Variants in RAP1A observed in about 807,000 individuals in gnomAD.
RAP1A encodes the protein ras-related protein Rap-1A.
RAP1A carries 6 observed loss-of-function variants against 26.4 expected under a neutral mutation model. The observed-to-expected ratio is 0.23, with a 90% CI of 0.12 to 0.45. The LOEUF (loss-of-function observed/expected upper bound fraction) is 0.45. Among genes scored for constraint, RAP1A ranks in the 20% least tolerant of loss-of-function variants. The pLI is 0.99. For missense variants in RAP1A, 121 were observed against 217.2 expected, an observed-to-expected ratio of 0.56 and a Z score of 2.78; for synonymous variants, 73 against 79.4, an observed-to-expected ratio of 0.92 and a Z score of 0.43.
chr1:111,551,166 G>T (rs998578421), intron 1 of RAP1A, among the ~76,000 whole-genome samples: 18 of 151,914 alleles, frequency 1.2e-4, no homozygotes, highest in Admixed American at 8.5e-4. Context: ...GCATATAGTT[G>T]GATCATGTTT....
chr1:111,572,776 C>T (rs796167974), intron 1 of RAP1A, among the ~76,000 whole-genome samples: 31 of 152,212 alleles, frequency 2.0e-4, no homozygotes, highest in African/African-American at 7.0e-4. Flanking sequence ...TTCGGGGGTA[C>T]ATGTGCAGGT....
At chr1:111,673,570 A>G (rs930972530) in intron 1 of RAP1A, among the ~76,000 whole-genome samples, 2 of 152,242 alleles carry the variant, frequency 1.3e-5, no homozygotes, top group African/African-American at 4.8e-5. Flanking sequence ...CCATAATGTT[A>G]GGGACTCAGA....
chr1:111,638,553 T>C (rs914238631), intron 1 of RAP1A, among the ~76,000 whole-genome samples: 5 of 152,138 alleles, frequency 3.3e-5, no homozygotes, highest in African/African-American at 1.2e-4. Flanking sequence ...GCCTCCTGAG[T>C]AGCTGGGACT....
intron 1 of RAP1A, among the ~76,000 whole-genome samples, chr1:111,634,405 A>G (rs1233292566): frequency 3.3e-5 from 5 of 151,814 alleles, no homozygotes; most frequent in Admixed American, 3.3e-4. Context: ...TTTACATAGT[A>G]TGATTTTAGT....
Position 111,704,575 on chromosome 1 carries a change from T to G in RAP1A, c.468+89T>G, listed in dbSNP as rs182278366. 2.2e-3 allele frequency: 2,882 copies of G among 1,318,654 alleles called. 6 individuals carry two copies. The highest frequency in any genetic ancestry group is 2.7e-3 in the South Asian group (161 of 58,884). The allele number at this position is 1,318,654 out of a possible 1,614,324, so 81.7% of individuals were successfully genotyped here. ...AGACTTTTAAGAAAAAATTTTTATC[T>G]TTTAAGCAATCTTGATTCCATAATT... is the stretch of plus-strand genomic sequence containing the variant. On this transcript the variant is annotated intron_variant, in intron 6 of 7. Transcript: ENST00000369709.
intron 1 of RAP1A, chr1:111,564,036 A>T (rs1657854388): frequency 1.0e-6 from 1 of 997,328 alleles, no homozygotes; most frequent in Admixed American, 1.8e-5. Flanking sequence ...GCCATTAGAG[A>T]ACCAGGAATT....
intron 1 of RAP1A, among the ~76,000 whole-genome samples, chr1:111,547,472 G>A (rs1365659378): frequency 6.6e-6 from 1 of 152,012 alleles, no homozygotes; most frequent in South Asian, 2.1e-4. Context: ...AAATGTTTGT[G>A]AAAATGGAGT....
intron 1 of RAP1A, chr1:111,608,155 C>T (rs75920601): frequency 0.093 from 16,166 of 174,728 alleles, 1,180 homozygotes; most frequent in African/African-American, 0.22. Flanking sequence ...GGGGCGGCTG[C>T]GAGGCGGAGG....
intron 1 of RAP1A, among the ~76,000 whole-genome samples, chr1:111,623,955 A>G (rs1659307693): frequency 6.6e-6 from 1 of 152,210 alleles, no homozygotes; most frequent in Non-Finnish European, 1.5e-5. Context: ...ATGTTCATTG[A>G]ACCTCAGATC....
chr1:111,611,887 A>C (rs1041076119), intron 1 of RAP1A, among the ~76,000 whole-genome samples: 1 of 152,186 alleles, frequency 6.6e-6, no homozygotes. Context: ...TCTAAATTCA[A>C]ATTCAACTGG....
chr1:111,688,822 G>GTTTTTTTTTTTTTTTTTTT (rs767753356), intron 1 of RAP1A, among the ~76,000 whole-genome samples: 1 of 90,062 alleles, frequency 1.1e-5, no homozygotes, highest in Non-Finnish European at 2.3e-5. Context: ...TTTTTTTTTT[G>GTTTTTTTTTTTTTTTTTTT]TTTTTTTTTT....
chr1:111,683,086 T>C (rs931858559), intron 1 of RAP1A, among the ~76,000 whole-genome samples: 4 of 152,194 alleles, frequency 2.6e-5, no homozygotes, highest in Middle Eastern at 3.4e-3. Flanking sequence ...GATAACAAAA[T>C]TAAGGCAGAA....
upstream of RAP1A, chr1:111,619,745 C>T (rs1286749415): frequency 1.0e-5 from 4 of 394,226 alleles, no homozygotes; most frequent in Non-Finnish European, 1.3e-5. Flanking sequence ...AACCAGGGGG[C>T]GGGGCCTGCG....
At chr1:111,576,305 A>G (rs866201370) in intron 1 of RAP1A, among the ~76,000 whole-genome samples, 2 of 152,238 alleles carry the variant, frequency 1.3e-5, no homozygotes, top group Non-Finnish European at 2.9e-5. Context: ...CACAAGACAC[A>G]AAACCAAATA....
intron 1 of RAP1A, among the ~76,000 whole-genome samples, chr1:111,647,902 T>A (rs1660123386): frequency 6.6e-6 from 1 of 152,110 alleles, no homozygotes; most frequent in Non-Finnish European, 1.5e-5. Context: ...TATTTAACTG[T>A]AGTTTCTTCC....
intron 1 of RAP1A, among the ~76,000 whole-genome samples, chr1:111,628,458 T>C (rs1354088528): frequency 6.6e-6 from 1 of 152,180 alleles, no homozygotes; most frequent in East Asian, 1.9e-4. Flanking sequence ...GGGAGAATTA[T>C]GGAGATTGGG....
intron 1 of RAP1A, among the ~76,000 whole-genome samples, chr1:111,644,114 TC>T (rs769333247): frequency 2.6e-5 from 4 of 152,212 alleles, no homozygotes; most frequent in Non-Finnish European, 5.9e-5. Context: ...TGGCAACACT[TC>T]CATCTGTTTG....
intron 1 of RAP1A, chr1:111,604,384 C>T (rs1658730492): frequency 6.6e-6 from 1 of 152,214 alleles, no homozygotes; most frequent in African/African-American, 2.4e-5. Flanking sequence ...CAATGCTTCC[C>T]CTCACTGCCA....
chr1:111,575,886 A>G (rs2101057805), intron 1 of RAP1A, among the ~76,000 whole-genome samples: 1 of 152,356 alleles, frequency 6.6e-6, no homozygotes. Context: ...CACCTAGCAC[A>G]TGAATGCTCA....
Sources: gnomAD v4.1 joint callset for allele counts (sites outside exome capture counted in the v4.1 genomes callset) on GRCh38, gnomAD v4.1.1 for gene constraint, MANE v1.5 for transcripts, NCBI Gene and HGNC (gene_info 2026-07-23, HGNC 2026-07-21) for gene names.